The following CADM2 variants were observed in gnomAD, a reference collection of about 807,000 sequenced individuals.
CADM2 encodes the protein cell adhesion molecule 2.
Under a neutral mutation model 49.8 loss-of-function variants are expected in CADM2, and 12 were observed. The observed-to-expected ratio is 0.24, with a 90% CI of 0.15 to 0.39. The LOEUF (loss-of-function observed/expected upper bound fraction) is 0.39, where lower values mean the gene tolerates loss of function less well. Among genes scored for constraint, CADM2 ranks in the 10% least tolerant of loss-of-function variants. CADM2 has a pLI of 1.00. For missense variants in CADM2, 378 were observed against 492.3 expected (o/e 0.77, Z 2.20); for synonymous variants, 214 against 175.4 (o/e 1.22, Z -1.74).
Position 85,839,883 on chromosome 3 carries a change from C to T in CADM2, c.238+37687C>T, listed in dbSNP as rs147693134. On this transcript the variant is annotated intron_variant, in intron 3 of 9. Transcript: ENST00000383699. Reference sequence around the variant, plus strand: ...TTTTATCATTGCCATCTGAGAGTTCCGAATAATTACGGGTAATAAAAGAGG... The same window carrying T: ...TTTTATCATTGCCATCTGAGAGTTCTGAATAATTACGGGTAATAAAAGAGG... Among the ~76,000 whole-genome samples, 1,115 of 151,808 alleles carry T rather than the reference C, an allele frequency of 7.3e-3. 9 individuals are homozygous for T. The highest frequency in any genetic ancestry group is 0.031 in the South Asian group (151 of 4,822).
intron 8 of CADM2, among the ~76,000 whole-genome samples, chr3:86,039,300 G>T (rs1020236429): frequency 1.4e-5 from 2 of 141,156 alleles, no homozygotes; most frequent in African/African-American, 5.6e-5. Flanking sequence ...AAAGGGGTCA[G>T]GGAATTCCTA....
intron 1 of CADM2, among the ~76,000 whole-genome samples, chr3:85,335,060 A>G (rs975087257): frequency 1.3e-5 from 2 of 151,564 alleles, no homozygotes; most frequent in Admixed American, 1.3e-4. Flanking sequence ...ACTAAAAAAA[A>G]AGATACTAAG....
intron 1 of CADM2, among the ~76,000 whole-genome samples, chr3:84,994,332 T>TAGTTTA (rs1203980923): frequency 1.3e-5 from 2 of 152,070 alleles, no homozygotes; most frequent in African/African-American, 4.8e-5. Context: ...ACGATAAGAG[T>TAGTTTA]AGTTTAATTA....
intron 1 of CADM2, among the ~76,000 whole-genome samples, chr3:85,075,473 G>T (rs1281558032): frequency 1.3e-5 from 2 of 152,100 alleles, no homozygotes; most frequent in Non-Finnish European, 2.9e-5. Context: ...TTGTACACAT[G>T]TCTAGAGGAT....
chr3:84,990,892 A>G (rs1246945323), intron 1 of CADM2, among the ~76,000 whole-genome samples: 1 of 152,174 alleles, frequency 6.6e-6, no homozygotes, highest in East Asian at 1.9e-4. Flanking sequence ...CATATTGATT[A>G]GGTATTTCAC....
intron 8 of CADM2, among the ~76,000 whole-genome samples, chr3:85,985,957 A>C (rs1728053817): frequency 6.6e-6 from 1 of 152,056 alleles, no homozygotes; most frequent in African/African-American, 2.4e-5. Flanking sequence ...AGTTTCATTT[A>C]TATTCAGATT....
intron 1 of CADM2, among the ~76,000 whole-genome samples, chr3:85,110,378 A>G (rs906389468): frequency 3.8e-4 from 58 of 151,846 alleles, no homozygotes; most frequent in Admixed American, 3.7e-3. Context: ...CAAAGTCAAA[A>G]GAGAGACACA....
chr3:85,156,553 G>T (rs1283170507), intron 1 of CADM2, among the ~76,000 whole-genome samples: 2 of 152,238 alleles, frequency 1.3e-5, no homozygotes, highest in South Asian at 4.1e-4. Flanking sequence ...GGTACAAGGA[G>T]GAACTGGTAC....
At chr3:84,972,325 G>T (rs1261654560) in intron 1 of CADM2, among the ~76,000 whole-genome samples, 1 of 152,144 alleles carries the variant, frequency 6.6e-6, no homozygotes, top group African/African-American at 2.4e-5. Flanking sequence ...TTAACTGCAT[G>T]CTCTTAAAAT....
intron 1 of CADM2, among the ~76,000 whole-genome samples, chr3:85,005,153 G>C (rs1411569408): frequency 1.3e-5 from 2 of 152,086 alleles, no homozygotes; most frequent in East Asian, 3.9e-4. Context: ...TCAGATTCTG[G>C]AGTAGCATTT....
intron 1 of CADM2, among the ~76,000 whole-genome samples, chr3:85,498,605 G>GT (rs2039996090): frequency 6.6e-6 from 1 of 152,206 alleles, no homozygotes; most frequent in Non-Finnish European, 1.5e-5. Context: ...TCAGGAAAAT[G>GT]TAAGACCCTT....
intron 6 of CADM2, among the ~76,000 whole-genome samples, chr3:85,923,074 C>T (rs1230487042): frequency 6.6e-6 from 1 of 152,016 alleles, no homozygotes; most frequent in East Asian, 1.9e-4. Flanking sequence ...CCACCTGCCT[C>T]GGCCTCCCAA....
intron 1 of CADM2, among the ~76,000 whole-genome samples, chr3:85,520,617 G>T (rs1233605930): frequency 6.6e-6 from 1 of 151,912 alleles, no homozygotes; most frequent in African/African-American, 2.4e-5. Context: ...AAACTATTTG[G>T]ATGTTTATAT....
chr3:85,753,273 GA>G (rs1344941869), intron 2 of CADM2, among the ~76,000 whole-genome samples: 1 of 151,780 alleles, frequency 6.6e-6, no homozygotes, highest in Middle Eastern at 3.2e-3. Flanking sequence ...AAGCAAGAAA[GA>G]AAGGACATTA....
At chr3:86,052,613 C>G (rs1737474840) in intron 8 of CADM2, among the ~76,000 whole-genome samples, 1 of 152,048 alleles carries the variant, frequency 6.6e-6, no homozygotes. Flanking sequence ...TATAATTATA[C>G]TTCATATTAA....
At chr3:85,634,884 A>G (rs1459191692) in intron 1 of CADM2, among the ~76,000 whole-genome samples, 2 of 126,224 alleles carry the variant, frequency 1.6e-5, no homozygotes, top group Non-Finnish European at 3.8e-5. Flanking sequence ...CAAACAGAAA[A>G]TTAATTTTTT....
At chr3:85,375,198 G>A (rs2033517157) in intron 1 of CADM2, among the ~76,000 whole-genome samples, 1 of 152,104 alleles carries the variant, frequency 6.6e-6, no homozygotes, top group Non-Finnish European at 1.5e-5. Flanking sequence ...ACATTTTCAA[G>A]GAGAGAAAAT....
At chr3:85,033,063 A>G (rs567537977) in intron 1 of CADM2, among the ~76,000 whole-genome samples, 2 of 152,296 alleles carry the variant, frequency 1.3e-5, no homozygotes, top group East Asian at 1.9e-4. Context: ...CAGATAAAAA[A>G]ACATAGCTGA....
intron 1 of CADM2, among the ~76,000 whole-genome samples, chr3:85,062,543 G>C (rs2036370663): frequency 6.6e-6 from 1 of 151,324 alleles, no homozygotes; most frequent in Admixed American, 6.6e-5. Flanking sequence ...CCAATTTTTT[G>C]GTACTAAAAA....
Sources: allele counts gnomAD v4.1 joint callset (sites outside exome capture counted in the v4.1 genomes callset), GRCh38; gene constraint gnomAD v4.1.1; transcripts MANE v1.5; gene names NCBI Gene and HGNC (gene_info 2026-07-23, HGNC 2026-07-21).